Variants in RGS7BP observed in about 807,000 individuals in gnomAD.
The protein encoded by RGS7BP is regulator of G protein signaling 7 binding protein.
Under a neutral mutation model 31.3 loss-of-function variants are expected in RGS7BP, and 9 were observed. That is an observed-to-expected ratio of 0.29 (90% CI 0.17 to 0.50). The LOEUF (loss-of-function observed/expected upper bound fraction) is 0.50. RGS7BP is among the 20% of genes least tolerant of loss of function. RGS7BP has a pLI of 0.98. For missense variants in RGS7BP, 274 were observed against 322.0 expected, an observed-to-expected ratio of 0.85 and a Z score of 1.14; for synonymous variants, 115 against 120.1, an observed-to-expected ratio of 0.96 and a Z score of 0.28.
chr5:64,603,308 G>C (rs1743269354), intron 5 of RGS7BP, among the ~76,000 whole-genome samples: 1 of 152,200 alleles, frequency 6.6e-6, no homozygotes, highest in Non-Finnish European at 1.5e-5. Flanking sequence ...TGGTCACCAA[G>C]TTAGAGACAA....
intron 2 of RGS7BP, among the ~76,000 whole-genome samples, chr5:64,553,934 C>A (rs1741858544): frequency 6.6e-6 from 1 of 152,144 alleles, no homozygotes; most frequent in Non-Finnish European, 1.5e-5. Context: ...GATACTATGG[C>A]TTCCCTGAGG....
chr5:64,598,291 C>G, intron 4 of RGS7BP, 74 bp from the exon 5 acceptor site: 1 of 852,564 alleles, frequency 1.2e-6, no homozygotes, highest in Middle Eastern at 2.3e-4. Context: ...TCAGTTGTCT[C>G]ATATAACAGA....
chr5:64,546,679 A>ATT (rs11399270), intron 2 of RGS7BP, among the ~76,000 whole-genome samples: 1 of 151,460 alleles, frequency 6.6e-6, no homozygotes, highest in African/African-American at 2.4e-5. Flanking sequence ...CAGATTAAGA[A>ATT]TTTTTTTTTA....
chr5:64,562,978 T>G (rs1348098721), intron 2 of RGS7BP, among the ~76,000 whole-genome samples: 1 of 152,070 alleles, frequency 6.6e-6, no homozygotes, highest in African/African-American at 2.4e-5. Flanking sequence ...ACACATTTTC[T>G]AAGAATGTTG....
At position 64,535,863 on chromosome 5, in the gene RGS7BP, G is replaced by A. The variant is rs147433912; in HGVS notation, c.332+27986G>A. Among the ~76,000 whole-genome samples the A allele has an allele frequency of 5.2e-3, 789 of 152,294 alleles. 1 individual carries two copies. The highest frequency in any genetic ancestry group is 9.0e-3 in the Non-Finnish European group (615 of 68,020). On this transcript the variant is annotated intron_variant, in intron 2 of 5. Transcript: ENST00000334025. The stretch of plus-strand genomic sequence containing the variant: ...CAGCTTAATATCAGCTTTGAAAAAG[G>A]TAAAAATCTACTTTATTGGAAGAAA...
chr5:64,545,790 A>G (rs1006969037), intron 2 of RGS7BP, among the ~76,000 whole-genome samples: 1 of 152,220 alleles, frequency 6.6e-6, no homozygotes, highest in Admixed American at 6.5e-5. Flanking sequence ...AGGGCATATG[A>G]AAGGAGGTTT....
At chr5:64,534,157 G>A (rs1342875008) in intron 2 of RGS7BP, among the ~76,000 whole-genome samples, 9 of 152,132 alleles carry the variant, frequency 5.9e-5, no homozygotes, top group East Asian at 3.9e-4. Context: ...CCAGCCATGC[G>A]AAGATCTGGG....
At chr5:64,603,222 A>AT (rs112145421) in intron 5 of RGS7BP, among the ~76,000 whole-genome samples, 16,462 of 152,172 alleles carry the variant, frequency 0.11, 939 homozygotes, top group Middle Eastern at 0.19. Flanking sequence ...AGACAATTGG[A>AT]TGTGGTGCAT....
At chr5:64,557,263 G>C (rs1238803283) in intron 2 of RGS7BP, among the ~76,000 whole-genome samples, 1 of 152,156 alleles carries the variant, frequency 6.6e-6, no homozygotes, top group Non-Finnish European at 1.5e-5. Context: ...GAGAAATGTA[G>C]TTATGCTCCC....
At chr5:64,538,702 A>G (rs1741449802) in intron 2 of RGS7BP, among the ~76,000 whole-genome samples, 1 of 150,032 alleles carries the variant, frequency 6.7e-6, no homozygotes, top group South Asian at 2.1e-4. Flanking sequence ...GATTACAGGC[A>G]CCCGCACCAT....
intron 3 of RGS7BP, among the ~76,000 whole-genome samples, chr5:64,584,228 C>G (rs1354115465): frequency 1.3e-5 from 2 of 152,130 alleles, no homozygotes; most frequent in Non-Finnish European, 2.9e-5. Flanking sequence ...TGCTTAATAG[C>G]TAAAATCCAT....
At chr5:64,517,846 G>C (rs764767002) in intron 2 of RGS7BP, among the ~76,000 whole-genome samples, 1 of 152,174 alleles carries the variant, frequency 6.6e-6, no homozygotes, top group Non-Finnish European at 1.5e-5. Context: ...CCTGCAAGGA[G>C]TATAGGTAGT....
At chr5:64,587,355 T>C (rs967545388) in intron 3 of RGS7BP, among the ~76,000 whole-genome samples, 2 of 151,782 alleles carry the variant, frequency 1.3e-5, no homozygotes, top group African/African-American at 4.8e-5. Flanking sequence ...CTGGTGAAAA[T>C]AAAACAGAGG....
chr5:64,569,078 G>C (rs1291027088), intron 2 of RGS7BP, among the ~76,000 whole-genome samples: 1 of 152,080 alleles, frequency 6.6e-6, no homozygotes, highest in Admixed American at 6.6e-5. Context: ...TGCACTTCAG[G>C]TTCCCCTTTA....
chr5:64,513,945 A>T (rs1748907371), intron 2 of RGS7BP, among the ~76,000 whole-genome samples: 1 of 152,242 alleles, frequency 6.6e-6, no homozygotes, highest in Admixed American at 6.5e-5. Context: ...GGAGTGGCTT[A>T]AACAAAATAA....
intron 2 of RGS7BP, among the ~76,000 whole-genome samples, chr5:64,555,065 A>G (rs1378647630): frequency 6.6e-6 from 1 of 152,072 alleles, no homozygotes; most frequent in African/African-American, 2.4e-5. Context: ...AAGATCCAAC[A>G]TATTTCTAAT....
At chr5:64,519,598 C>A (rs1561320495) in intron 2 of RGS7BP, among the ~76,000 whole-genome samples, 1 of 152,164 alleles carries the variant, frequency 6.6e-6, no homozygotes, top group South Asian at 2.1e-4. Flanking sequence ...CAGTCATAGC[C>A]TCCTGCCATA....
At position 64,549,491 on chromosome 5, in the gene RGS7BP, G is replaced by T. The variant is rs553809182; in HGVS notation, c.333-26283G>T. ...CAAGGCTTCAGGCACAGGCCATCTGGCCTGTTGATACTGAGGCAGTGGCCT... is the reference window on the plus strand; with the variant it reads ...CAAGGCTTCAGGCACAGGCCATCTGTCCTGTTGATACTGAGGCAGTGGCCT... On this transcript the variant is annotated intron_variant, in intron 2 of 5. Transcript: ENST00000334025. Among the ~76,000 whole-genome samples, 14 of 152,332 alleles carry T rather than the reference G, an allele frequency of 9.2e-5. No individual in the cohort carries two copies. In the East Asian group the frequency reaches 1.9e-3, roughly 21 times the overall value.
At chr5:64,594,454 T>C (rs1743007252) in intron 3 of RGS7BP, among the ~76,000 whole-genome samples, 1 of 152,170 alleles carries the variant, frequency 6.6e-6, no homozygotes, top group Non-Finnish European at 1.5e-5. Context: ...GACAGGGGCT[T>C]TAATATTATC....
Sources: allele counts gnomAD v4.1 joint callset (sites outside exome capture counted in the v4.1 genomes callset), GRCh38; gene constraint gnomAD v4.1.1; transcripts MANE v1.5; gene names NCBI Gene and HGNC (gene_info 2026-07-23, HGNC 2026-07-21).